The following USP28 variants were observed in gnomAD, a reference collection of about 807,000 sequenced individuals.
USP28 encodes ubiquitin specific peptidase 28.
A neutral mutation model predicts 145.0 loss-of-function variants in USP28; 113 were observed. The observed-to-expected ratio is 0.78, with a 90% CI of 0.67 to 0.91. USP28 has a LOEUF of 0.91. Among genes scored for constraint, USP28 ranks in the 40% least tolerant of loss-of-function variants. USP28 has a pLI of 0.00. For missense variants in USP28, 1,201 were observed against 1,289.6 expected, an observed-to-expected ratio of 0.93 and a Z score of 1.05; for synonymous variants, 447 against 450.9, an observed-to-expected ratio of 0.99 and a Z score of 0.11.
intron 5 of USP28, among the ~76,000 whole-genome samples, chr11:113,838,743 A>G (rs1944860667): frequency 6.6e-6 from 1 of 151,896 alleles, no homozygotes; most frequent in African/African-American, 2.4e-5. Flanking sequence ...TCACCTCCTC[A>G]TGTTTTGTTT....
intron 5 of USP28, among the ~76,000 whole-genome samples, chr11:113,838,212 G>T (rs73552973): frequency 0.011 from 1,698 of 151,572 alleles, 32 homozygotes; most frequent in African/African-American, 0.037. Flanking sequence ...GGCTAATGGT[G>T]GGGGGGCGGT....
At chr11:113,812,233 A>T (rs749532887) in intron 16 of USP28, 43 bp downstream of exon 16, 23 of 1,515,136 alleles carry the variant, frequency 1.5e-5, no homozygotes, top group Non-Finnish European at 2.0e-5. Flanking sequence ...CCTGAGCAGT[A>T]CAGATTTTCC....
At chr11:113,799,295 C>T (rs777919556) in exon 25 of USP28, 18 of 1,613,896 alleles carry the variant, frequency 1.1e-5, no homozygotes, top group Admixed American at 1.7e-5. Flanking sequence ...AGCTGCAAAT[C>T]GGCTACATAG....
chr11:113,866,475 T>C (rs575095826), intron 1 of USP28, among the ~76,000 whole-genome samples: 1 of 152,230 alleles, frequency 6.6e-6, no homozygotes, highest in South Asian at 2.1e-4. Flanking sequence ...AATTCAAAAA[T>C]GGACAAAGAA....
At chr11:113,856,989 C>A (rs2136646106) in intron 1 of USP28, among the ~76,000 whole-genome samples, 1 of 152,296 alleles carries the variant, frequency 6.6e-6, no homozygotes, top group Non-Finnish European at 1.5e-5. Flanking sequence ...CTGTTCTAAA[C>A]CAGCTATCAT....
At chr11:113,828,365 C>T (rs903969734) in intron 10 of USP28, among the ~76,000 whole-genome samples, 15 of 152,362 alleles carry the variant, frequency 9.8e-5, no homozygotes, top group African/African-American at 3.4e-4. Flanking sequence ...CAGGTTTGCA[C>T]AGATGGTACA....
intron 1 of USP28, chr11:113,874,895 C>CTAGATT: frequency 1.0e-6 from 1 of 994,412 alleles, no homozygotes; most frequent in Non-Finnish European, 1.2e-6. Flanking sequence ...GCGATGAAGG[C>CTAGATT]AATAATTGGG....
At chr11:113,866,906 G>A (rs1182035363) in intron 1 of USP28, among the ~76,000 whole-genome samples, 1 of 152,166 alleles carries the variant, frequency 6.6e-6, no homozygotes, top group African/African-American at 2.4e-5. Flanking sequence ...GTCCGTCAAT[G>A]GAAGAATGGA....
intron 14 of USP28, among the ~76,000 whole-genome samples, chr11:113,814,382 T>G (rs1392184613): frequency 6.6e-6 from 1 of 152,048 alleles, no homozygotes; most frequent in Non-Finnish European, 1.5e-5. Context: ...GGAAGGGGGG[T>G]AAGGTTAGTC....
At chr11:113,857,989 C>T (rs969453458) in intron 1 of USP28, among the ~76,000 whole-genome samples, 1 of 152,174 alleles carries the variant, frequency 6.6e-6, no homozygotes, top group East Asian at 1.9e-4. Flanking sequence ...CCTCAGCTTC[C>T]CGAGTAGTTG....
At chr11:113,835,400 G>A (rs10789965) in intron 5 of USP28, 253,912 of 453,912 alleles carry the variant, frequency 0.56, 73,189 homozygotes, top group Non-Finnish European at 0.61. Context: ...AAAAGCCCCA[G>A]GTATATTTCC....
intron 4 of USP28, 119 bp downstream of exon 4, chr11:113,841,541 TCTC>T: frequency 1.6e-6 from 1 of 613,662 alleles, no homozygotes; most frequent in Non-Finnish European, 2.8e-6. Context: ...ATTCAAAATT[TCTC>T]CTAAAAGAAA....
rs1003960249 is a variant in USP28 at position 113,803,850 on chromosome 11, G to A, written c.2686C>T (p.Arg896Ter). 21 of 1,613,572 alleles carry A rather than the reference G, an allele frequency of 1.3e-5. No individual in the cohort carries two copies. Among genetic ancestry groups the A allele is most frequent in the Non-Finnish European group, 1.5e-5 (18 of 1,179,836 alleles). ...GTTAGGAGATACACAGACACTTTTC[G>A]GAACAAACTATAATCTTCATGCCAC... The change falls in exon 22 of 25, where the codon CGA becomes TGA. Residue 896 changes from arginine to a stop codon, truncating the protein, a stop_gained. Coordinates refer to ENST00000003302, the Ensembl canonical transcript of USP28. LOFTEE classifies it high-confidence loss of function.
chr11:113,869,216 G>A (rs777986655), intron 1 of USP28, among the ~76,000 whole-genome samples: 29 of 152,082 alleles, frequency 1.9e-4, no homozygotes, highest in Non-Finnish European at 3.1e-4. Context: ...ACGGATCACC[G>A]GAGGTCAGGT....
exon 25 of USP28, chr11:113,799,268 T>C (rs780846279): frequency 1.2e-6 from 2 of 1,613,814 alleles, no homozygotes; most frequent in Admixed American, 1.7e-5. Flanking sequence ...TGAAACTCCC[T>C]GAATTGACTC....
intron 16 of USP28, among the ~76,000 whole-genome samples, chr11:113,810,565 A>T (rs1781083932): frequency 6.6e-6 from 1 of 152,250 alleles, no homozygotes; most frequent in Non-Finnish European, 1.5e-5. Flanking sequence ...TCGCAGCATA[A>T]ATATACAATT....
At chr11:113,843,818 T>G (rs1945502155) in intron 3 of USP28, among the ~76,000 whole-genome samples, 1 of 151,956 alleles carries the variant, frequency 6.6e-6, no homozygotes, top group African/African-American at 2.4e-5. Flanking sequence ...AGAAATAAAC[T>G]CTTACATTCC....
chr11:113,820,917 T>G (rs1195936697), intron 12 of USP28: 1 of 157,986 alleles, frequency 6.3e-6, no homozygotes, highest in Non-Finnish European at 1.4e-5. Flanking sequence ...TTTGTATAGC[T>G]CCATGGTAGC....
chr11:113,807,464 C>A (rs1325855120), intron 18 of USP28, among the ~76,000 whole-genome samples: 4 of 152,034 alleles, frequency 2.6e-5, no homozygotes, highest in Admixed American at 2.0e-4. Context: ...TGCAGTGCAA[C>A]TGAAGAGGAG....
Sources: gnomAD v4.1 joint callset for allele counts (sites outside exome capture counted in the v4.1 genomes callset) on GRCh38, gnomAD v4.1.1 for gene constraint, MANE v1.5 for transcripts, NCBI Gene and HGNC (gene_info 2026-07-23, HGNC 2026-07-21) for gene names.